Variants in FAM53B observed in about 807,000 individuals in gnomAD.
FAM53B encodes the protein family with sequence similarity 53 member B.
Under a neutral mutation model 32.7 loss-of-function variants are expected in FAM53B, and 12 were observed. The observed-to-expected ratio is 0.37, with a 90% CI of 0.24 to 0.59. The LOEUF is 0.59. Among genes scored for constraint, FAM53B ranks in the 20% least tolerant of loss-of-function variants. The pLI is 0.72. For synonymous variants in FAM53B, 234 were observed against 228.7 expected (o/e 1.02, Z -0.21); for missense variants, 477 against 577.7 (o/e 0.83, Z 1.79).
At chr10:124,654,439 C>T (rs1949574261) in intron 4 of FAM53B, among the ~76,000 whole-genome samples, 1 of 152,168 alleles carries the variant, frequency 6.6e-6, no homozygotes, top group Non-Finnish European at 1.5e-5. Context: ...AGGAAGAGCG[C>T]TCCCAGGGAG....
chr10:124,673,210 C>A (rs913753280), intron 4 of FAM53B, among the ~76,000 whole-genome samples: 1 of 152,150 alleles, frequency 6.6e-6, no homozygotes, highest in African/African-American at 2.4e-5. Flanking sequence ...CCACCTCCCC[C>A]AGAACCTACA....
chr10:124,651,974 G>A lies in FAM53B; in HGVS notation c.907-28370C>T, dbSNP rs553681229. 6.6e-6 allele frequency among the ~76,000 whole-genome samples: 1 copy of A among 152,322 alleles called. No individual in the cohort carries two copies. The highest frequency in any genetic ancestry group is 1.9e-4 in the East Asian group (1 of 5,190). ...TGCTCTCCTGAGCAATGTGAACTCA[G>A]GGGCCAGGAAGCGAGGCCCCTGCCC... On this transcript the variant is annotated intron_variant, in intron 4 of 4. Transcript: ENST00000337318. The surrounding 1 kb of genome is among the most constrained non-coding windows in gnomAD (Gnocchi z 5.2).
chr10:124,709,261 G>A (rs563279398), intron 1 of FAM53B, among the ~76,000 whole-genome samples: 13 of 152,364 alleles, frequency 8.5e-5, no homozygotes, highest in African/African-American at 3.1e-4. Flanking sequence ...GAATGAAACT[G>A]TGGAAGTCTG....
intron 3 of FAM53B, among the ~76,000 whole-genome samples, chr10:124,685,867 T>C (rs1326320156): frequency 2.6e-5 from 4 of 152,178 alleles, no homozygotes; most frequent in Non-Finnish European, 4.4e-5. Flanking sequence ...TCACTGCCTC[T>C]AGAGAACTTT....
intron 4 of FAM53B, among the ~76,000 whole-genome samples, chr10:124,654,517 C>A (rs903689926): frequency 1.3e-5 from 2 of 152,224 alleles, no homozygotes; most frequent in African/African-American, 4.8e-5. Flanking sequence ...GGCTGACTTT[C>A]CACTTACAGC....
Position 124,619,754 on chromosome 10 carries a change from AGTGTGGGGCCAGAGGGTGCCCGAGCCCCG to A in FAM53B, c.*3459_*3487del, listed in dbSNP as rs1949293894. 1 of 152,650 alleles carries A rather than the reference AGTGTGGGGCCAGAGGGTGCCCGAGCCCCG, an allele frequency of 6.6e-6. No individual in the cohort carries two copies. The highest frequency in any genetic ancestry group is 1.5e-5 in the Non-Finnish European group (1 of 68,072). The allele number at this position is 152,650 out of a possible 1,614,324, so 9.5% of individuals were successfully genotyped here. A position where few individuals can be genotyped will look rare whatever the true frequency, so the allele number is the denominator to read the frequency against. ...CATGGCAAGGTGTGGCATCATTGCCAGTGTGGGGCCAGAGGGTGCCCGAGCCCCGGTGCGCGGCCAGCCTGCTGCATCCC... is the reference window on the plus strand; with the variant it reads ...CATGGCAAGGTGTGGCATCATTGCCAGTGCGCGGCCAGCCTGCTGCATCCC... On this transcript the variant is annotated 3_prime_UTR_variant, in exon 5 of 5. Coordinates refer to ENST00000337318, the MANE Select transcript of FAM53B (RefSeq NM_014661.4).
At chr10:124,697,451 C>A (rs1327018050) in intron 2 of FAM53B, among the ~76,000 whole-genome samples, 1 of 152,110 alleles carries the variant, frequency 6.6e-6, no homozygotes, top group East Asian at 1.9e-4. Context: ...AAGAAGGCGG[C>A]AAGCACCTGG....
At chr10:124,636,497 A>G (rs963441883) in intron 4 of FAM53B, among the ~76,000 whole-genome samples, 2 of 152,230 alleles carry the variant, frequency 1.3e-5, no homozygotes, top group African/African-American at 4.8e-5. Flanking sequence ...GGCTTTTCAC[A>G]TGGCTGGTAG....
At chr10:124,624,555 T>C (rs1949333064) in intron 4 of FAM53B, among the ~76,000 whole-genome samples, 1 of 152,160 alleles carries the variant, frequency 6.6e-6, no homozygotes, top group African/African-American at 2.4e-5. Flanking sequence ...CAGAAGCTTC[T>C]CCGCTCACCA....
At chr10:124,650,808 T>A (rs1055285030) in intron 4 of FAM53B, among the ~76,000 whole-genome samples, 3 of 152,148 alleles carry the variant, frequency 2.0e-5, no homozygotes, top group Admixed American at 6.5e-5. Flanking sequence ...TCCTTTGCCA[T>A]CAGCCATTTG....
Position 124,681,865 on chromosome 10 carries a change from G to A in FAM53B, c.648C>T (p.His216=), listed in dbSNP as rs1205548025. ...QAGDTWSPDL[H]PVGGGRLDLQ... ...GGTCCAGCCGGCCTCCTCCCACGGG[G>A]TGCAGGTCAGGGCTCCAGGTGTCAC... Residue 216 remains histidine, a synonymous_variant, in exon 4 of 5, where the codon CAC becomes CAT. Transcript: ENST00000337318. The A allele has an allele frequency of 6.2e-7, 1 of 1,613,398 alleles. No homozygotes were observed. The highest frequency in any genetic ancestry group is 8.5e-7 in the Non-Finnish European group (1 of 1,179,842).
chr10:124,717,397 A>C (rs539941300), intron 1 of FAM53B, among the ~76,000 whole-genome samples: 1 of 152,372 alleles, frequency 6.6e-6, no homozygotes, highest in South Asian at 2.1e-4. Flanking sequence ...TACTGAATGA[A>C]CTATAAGAAA....
intron 1 of FAM53B, among the ~76,000 whole-genome samples, chr10:124,727,284 A>G (rs1950110687): frequency 7.9e-6 from 1 of 126,042 alleles, no homozygotes. Context: ...TCAGGAAGGC[A>G]CTTGTAGATA....
chr10:124,683,989 C>T (rs536881391), intron 3 of FAM53B, among the ~76,000 whole-genome samples: 4 of 152,364 alleles, frequency 2.6e-5, no homozygotes, highest in African/African-American at 9.6e-5. Flanking sequence ...GAGAAAAAGC[C>T]GAGGCAGAGC....
intron 4 of FAM53B, among the ~76,000 whole-genome samples, chr10:124,657,575 C>T (rs80112059): frequency 0.024 from 3,683 of 152,202 alleles, 79 homozygotes; most frequent in Non-Finnish European, 0.033. Context: ...TATATTTTTT[C>T]TCTTCTGAAC....
At chr10:124,741,707 A>T (rs559461198) in intron 1 of FAM53B, among the ~76,000 whole-genome samples, 1 of 152,372 alleles carries the variant, frequency 6.6e-6, no homozygotes. Flanking sequence ...GAAAGAGCCC[A>T]GGAAATAATA....
chr10:124,641,529 A>G (rs911544623), intron 4 of FAM53B, among the ~76,000 whole-genome samples: 1 of 152,258 alleles, frequency 6.6e-6, no homozygotes, highest in Non-Finnish European at 1.5e-5. Flanking sequence ...GGCTACCACA[A>G]AAAGGAACTG....
chr10:124,671,151 C>T (rs1399883429), intron 4 of FAM53B: 6 of 453,700 alleles, frequency 1.3e-5, no homozygotes, highest in South Asian at 7.7e-5. Context: ...AGCCATGCCG[C>T]GTGACCTGCA....
chr10:124,720,497 CA>C (rs926787857), intron 1 of FAM53B, among the ~76,000 whole-genome samples: 1 of 151,792 alleles, frequency 6.6e-6, no homozygotes, highest in Non-Finnish European at 1.5e-5. Context: ...AATGTAAAAA[CA>C]AAAAAAGAAA....
Sources: gnomAD v4.1 joint callset for allele counts (sites outside exome capture counted in the v4.1 genomes callset) on GRCh38, gnomAD v4.1.1 for gene constraint, Gnocchi (gnomAD v3.1) non-coding constraint, MANE v1.5 for transcripts, NCBI Gene and HGNC (gene_info 2026-07-23, HGNC 2026-07-21) for gene names.